The following LPXN variants were observed in gnomAD, a reference collection of about 807,000 sequenced individuals.
LPXN encodes leupaxin.
In LPXN, 28 loss-of-function variants were observed where a neutral mutation model predicts 45.6. The observed-to-expected ratio is 0.61, with a 90% CI of 0.45 to 0.84. LPXN has a LOEUF of 0.84. LPXN is among the 40% of genes least tolerant of loss of function. The pLI, the probability that LPXN is intolerant of heterozygous loss-of-function variation, is 0.00. For synonymous variants in LPXN, 166 were observed against 169.9 expected (o/e 0.98, Z 0.18); for missense variants, 459 against 475.0 (o/e 0.97, Z 0.31).
intron 7 of LPXN, among the ~76,000 whole-genome samples, chr11:58,547,368 G>C (rs1013806193): frequency 1.3e-5 from 2 of 152,150 alleles, no homozygotes; most frequent in African/African-American, 4.8e-5. Flanking sequence ...AGCTAGTCAA[G>C]ACACGTAAAG....
chr11:58,533,796 C>A (rs1271005634), intron 7 of LPXN, among the ~76,000 whole-genome samples: 1 of 151,480 alleles, frequency 6.6e-6, no homozygotes, highest in East Asian at 1.9e-4. Flanking sequence ...TGCAAAGACA[C>A]ACATAGGCTC....
At chr11:58,555,070 G>T in intron 3 of LPXN, 130 bp from the exon 4 acceptor site, 1 of 579,826 alleles carries the variant, frequency 1.7e-6, no homozygotes, top group Admixed American at 3.2e-5. Flanking sequence ...CAGAGATGGG[G>T]GTATTTTAAA....
chr11:58,546,794 A>T (rs1853887268), intron 7 of LPXN, among the ~76,000 whole-genome samples: 2 of 152,218 alleles, frequency 1.3e-5, no homozygotes, highest in African/African-American at 4.8e-5. Flanking sequence ...CCAAGATGTA[A>T]TATATATCAA....
chr11:58,542,016 A>G (rs1853740020), intron 7 of LPXN, among the ~76,000 whole-genome samples: 1 of 151,740 alleles, frequency 6.6e-6, no homozygotes, highest in Admixed American at 6.6e-5. Context: ...CAGGAAGGGG[A>G]ACGTCACACT....
upstream of LPXN, among the ~76,000 whole-genome samples, chr11:58,578,692 T>C (rs1854998928): frequency 6.6e-6 from 1 of 152,030 alleles, no homozygotes; most frequent in Non-Finnish European, 1.5e-5. Context: ...GAAAGAGCCC[T>C]TGTGGTATCA....
intron 7 of LPXN, among the ~76,000 whole-genome samples, chr11:58,541,626 G>C (rs1244776033): frequency 4.7e-5 from 7 of 150,468 alleles, no homozygotes; most frequent in Admixed American, 4.6e-4. Flanking sequence ...GTGGAAGTCA[G>C]TGTGGCGATT....
intron 3 of LPXN, among the ~76,000 whole-genome samples, chr11:58,560,640 C>A (rs1854345751): frequency 1.3e-5 from 2 of 152,152 alleles, no homozygotes; most frequent in Admixed American, 1.3e-4. Flanking sequence ...CAGAGCTTTA[C>A]ACAGGTTCTC....
At chr11:58,535,910 A>C (rs1199080297) in intron 7 of LPXN, among the ~76,000 whole-genome samples, 3 of 152,230 alleles carry the variant, frequency 2.0e-5, no homozygotes, top group Non-Finnish European at 4.4e-5. Flanking sequence ...ACTCATTCAC[A>C]ATTGCTATAC....
At chr11:58,549,922 C>G (rs755093956) in intron 6 of LPXN, 51 bp downstream of exon 6, 4 of 1,613,886 alleles carry the variant, frequency 2.5e-6, no homozygotes, top group South Asian at 1.1e-5. Context: ...AAGCATGACT[C>G]TGGTTCTAAG....
intron 7 of LPXN, among the ~76,000 whole-genome samples, chr11:58,535,305 T>A (rs2515357): frequency 0.51 from 78,214 of 151,888 alleles, 20,973 homozygotes; most frequent in East Asian, 0.67. Flanking sequence ...CAGCAGCATA[T>A]CAAAAAGCTT....
chr11:58,576,474 A>G (rs1191899695), upstream of LPXN, among the ~76,000 whole-genome samples: 2 of 152,216 alleles, frequency 1.3e-5, no homozygotes, highest in African/African-American at 4.8e-5. Flanking sequence ...TCAATTAAGC[A>G]TAATCCCTGC....
intron 7 of LPXN, among the ~76,000 whole-genome samples, chr11:58,544,994 T>C (rs1018682790): frequency 2.0e-5 from 3 of 152,176 alleles, no homozygotes; most frequent in Non-Finnish European, 4.4e-5. Context: ...TAGAAACTCT[T>C]TGTGACTATC....
intron 7 of LPXN, among the ~76,000 whole-genome samples, chr11:58,548,337 T>C (rs183482547): frequency 6.6e-5 from 10 of 151,974 alleles, no homozygotes; most frequent in African/African-American, 2.2e-4. Flanking sequence ...CCAAGAGTAA[T>C]TACTAGATAT....
intron 7 of LPXN, among the ~76,000 whole-genome samples, chr11:58,530,923 C>T (rs574404599): frequency 3.3e-5 from 5 of 152,166 alleles, no homozygotes; most frequent in African/African-American, 4.8e-5. Flanking sequence ...GGTCTGGAGT[C>T]GACCTCCAGC....
intron 2 of LPXN, among the ~76,000 whole-genome samples, chr11:58,569,874 GC>G (rs1565205431): frequency 6.6e-6 from 1 of 152,102 alleles, no homozygotes; most frequent in Non-Finnish European, 1.5e-5. Context: ...CTGCCACCTG[GC>G]CTTCCTCAGG....
intron 1 of LPXN, among the ~76,000 whole-genome samples, chr11:58,572,076 C>T (rs1208176714): frequency 2.0e-5 from 3 of 152,070 alleles, no homozygotes; most frequent in Admixed American, 1.3e-4. Flanking sequence ...CTCAATAATG[C>T]ATTAGTGGAT....
At chr11:58,560,697 T>C (rs1232349418) in intron 3 of LPXN, among the ~76,000 whole-genome samples, 2 of 152,126 alleles carry the variant, frequency 1.3e-5, no homozygotes, top group African/African-American at 4.8e-5. Flanking sequence ...TATTATCACC[T>C]CCAAATGAAA....
At chr11:58,529,735 G>T (rs1012316207) in intron 7 of LPXN, among the ~76,000 whole-genome samples, 3 of 152,066 alleles carry the variant, frequency 2.0e-5, no homozygotes, top group Non-Finnish European at 4.4e-5. Context: ...ATAATTTGGA[G>T]ATTGCTGGCA....
At chr11:58,568,480 G>A (rs913887038) in intron 2 of LPXN, among the ~76,000 whole-genome samples, 1 of 151,974 alleles carries the variant, frequency 6.6e-6, no homozygotes, top group Non-Finnish European at 1.5e-5. Context: ...GTGCATGCCT[G>A]TAGTCCCAGA....
Sources: allele counts gnomAD v4.1 joint callset (sites outside exome capture counted in the v4.1 genomes callset), GRCh38; gene constraint gnomAD v4.1.1; transcripts MANE v1.5; gene names NCBI Gene and HGNC (gene_info 2026-07-23, HGNC 2026-07-21).